ST18: variants seen among roughly 807,000 people sequenced by gnomAD.
ST18 encodes the protein ST18 C2H2C-type zinc finger transcription factor, also known as suppression of tumorigenicity 18 protein.
ST18 carries 50 observed loss-of-function variants against 110.0 expected under a neutral mutation model. The observed-to-expected ratio is 0.45, with a 90% CI of 0.36 to 0.58. The LOEUF (loss-of-function observed/expected upper bound fraction) is 0.58. Among genes scored for constraint, ST18 ranks in the 20% least tolerant of loss-of-function variants. The probability of loss-of-function intolerance (pLI) is 0.00; values close to 1 mark genes in which losing one functional copy is unlikely to be tolerated. For missense variants in ST18, 1,306 were observed against 1,280.1 expected, an observed-to-expected ratio of 1.02 and a Z score of -0.31; for synonymous variants, 461 against 452.4, an observed-to-expected ratio of 1.02 and a Z score of -0.24.
At chr8:52,282,544 A>C (rs528230927) in intron 2 of ST18, among the ~76,000 whole-genome samples, 30 of 152,324 alleles carry the variant, frequency 2.0e-4, no homozygotes, top group Non-Finnish European at 2.9e-5. Context: ...GAAGCTGGGC[A>C]GGTGCCAACC....
chr8:52,346,358 T>C (rs1025223934), intron 2 of ST18, among the ~76,000 whole-genome samples: 3 of 151,640 alleles, frequency 2.0e-5, no homozygotes, highest in Non-Finnish European at 2.9e-5. Context: ...GAATATGAGA[T>C]AAAAGATGAG....
intron 2 of ST18, chr8:52,403,882 G>A (rs1843605825): frequency 6.6e-6 from 1 of 152,074 alleles, no homozygotes; most frequent in Admixed American, 6.5e-5. Context: ...AAAGTAAAAA[G>A]AACAGAAACA....
chr8:52,368,052 C>T (rs1056646778), intron 2 of ST18, among the ~76,000 whole-genome samples: 9 of 152,036 alleles, frequency 5.9e-5, no homozygotes, highest in Non-Finnish European at 1.3e-4. Flanking sequence ...GCTTAATAGG[C>T]TTCGGATTTC....
rs148311403 is a variant in ST18, at chr8:52,198,961, C to A, written c.86+13118G>T. On this transcript the variant is annotated intron_variant, in intron 8 of 25. Coordinates refer to ENST00000689386, the MANE Select transcript of ST18 (RefSeq NM_001352837.2). The stretch of plus-strand genomic sequence containing the variant: ...AGCCCCACCACGGAGCTGTGGGCAC[C>A]TGGAAGTCAGATAGGCTTAGCCCCA... Among the ~76,000 whole-genome samples the A allele has an allele frequency of 2.6e-5, 4 of 152,258 alleles. No individual in the cohort carries two copies. In the East Asian group the frequency reaches 7.7e-4, roughly 29 times the overall value.
chr8:52,228,455 A>C (rs2090252597), intron 3 of ST18, among the ~76,000 whole-genome samples: 1 of 152,208 alleles, frequency 6.6e-6, no homozygotes, highest in African/African-American at 2.4e-5. Flanking sequence ...ATTTTAAGCA[A>C]CGTGTGTTCA....
At chr8:52,257,058 A>G (rs1239992376) in intron 2 of ST18, among the ~76,000 whole-genome samples, 4 of 152,130 alleles carry the variant, frequency 2.6e-5, no homozygotes, top group Non-Finnish European at 1.5e-5. Flanking sequence ...ATCATATAAT[A>G]TGTTGTCCTT....
At chr8:52,145,105 A>ATTAT (rs1251127250) in intron 16 of ST18, among the ~76,000 whole-genome samples, 1 of 149,946 alleles carries the variant, frequency 6.7e-6, no homozygotes, top group Non-Finnish European at 1.5e-5. Flanking sequence ...GAGCCATTTT[A>ATTAT]TTATTTATGG....
intron 2 of ST18, among the ~76,000 whole-genome samples, chr8:52,233,550 C>G (rs2091989297): frequency 6.6e-6 from 1 of 152,062 alleles, no homozygotes; most frequent in Admixed American, 6.5e-5. Flanking sequence ...ATCCCTCTCT[C>G]CTTGGATGGC....
intron 2 of ST18, among the ~76,000 whole-genome samples, chr8:52,400,229 G>A (rs4873639): frequency 0.62 from 94,048 of 151,834 alleles, 31,649 homozygotes; most frequent in Non-Finnish European, 0.74. Context: ...AGCCATCTCT[G>A]CTCTTTCAGT....
intron 2 of ST18, among the ~76,000 whole-genome samples, chr8:52,362,747 G>T (rs184467755): frequency 2.0e-5 from 3 of 152,232 alleles, no homozygotes; most frequent in Non-Finnish European, 4.4e-5. Flanking sequence ...TTAAGTATTT[G>T]GTAGATTTCT....
intron 10 of ST18, among the ~76,000 whole-genome samples, chr8:52,171,017 A>G (rs1460111419): frequency 6.6e-6 from 1 of 152,098 alleles, no homozygotes; most frequent in Non-Finnish European, 1.5e-5. Flanking sequence ...ACCAAGAATC[A>G]CCTGGAAACT....
intron 19 of ST18, among the ~76,000 whole-genome samples, chr8:52,133,702 G>A (rs2050737227): frequency 6.7e-6 from 1 of 148,242 alleles, no homozygotes; most frequent in Non-Finnish European, 1.5e-5. Context: ...AAAAAGAAAA[G>A]TTTTCCAAAT....
intron 2 of ST18, among the ~76,000 whole-genome samples, chr8:52,326,226 T>C (rs1285254570): frequency 4.6e-5 from 7 of 152,186 alleles, no homozygotes; most frequent in African/African-American, 1.7e-4. Flanking sequence ...CCATGGAGTC[T>C]CATTTCCACA....
chr8:52,206,388 T>C (rs1440390301), intron 8 of ST18: 2 of 152,136 alleles, frequency 1.3e-5, no homozygotes, highest in Non-Finnish European at 1.5e-5. Context: ...TTACAAAGTC[T>C]TTTTTTGTTT....
At chr8:52,388,164 G>C (rs1274271974) in intron 2 of ST18, among the ~76,000 whole-genome samples, 1 of 152,194 alleles carries the variant, frequency 6.6e-6, no homozygotes, top group African/African-American at 2.4e-5. Flanking sequence ...AGGAGCATAA[G>C]GCAAATTTTG....
At chr8:52,361,973 G>C (rs979141268) in intron 2 of ST18, among the ~76,000 whole-genome samples, 4 of 152,084 alleles carry the variant, frequency 2.6e-5, no homozygotes, top group African/African-American at 9.6e-5. Flanking sequence ...TGCTTCAGTT[G>C]TAGGTTAATT....
rs2058380965 is a variant in ST18, at chr8:52,149,957, A to T, written c.1827T>A (p.Asp609Glu). ...LHAKGAEIEV[D>E]ENGTLDLSMK... ...TGCTTAAGTCCAATGTGCCATTTTC[A>T]TCCACTTCTATTTCGGCTCCCTGGT... Residue 609 changes from aspartate (D) to glutamate (E), a missense_variant, in exon 16 of 26, where the codon GAT becomes GAA. Coordinates refer to ENST00000689386, the MANE Select transcript of ST18 (RefSeq NM_001352837.2). 6.2e-7 allele frequency: 1 copy of T among 1,613,988 alleles called. No individual in the cohort carries two copies. The highest frequency in any genetic ancestry group is 8.5e-7 in the Non-Finnish European group (1 of 1,179,952).
At chr8:52,335,507 G>T (rs573213804) in intron 2 of ST18, among the ~76,000 whole-genome samples, 6 of 152,140 alleles carry the variant, frequency 3.9e-5, no homozygotes, top group Non-Finnish European at 7.4e-5. Flanking sequence ...TTGGGGATAA[G>T]ACACAAATCA....
chr8:52,210,178 T>C, intron 8 of ST18: 1 of 455,982 alleles, frequency 2.2e-6, no homozygotes, highest in Non-Finnish European at 4.4e-6. Context: ...CTTGGAGCAC[T>C]GGGTCATTTT....
Sources: gnomAD v4.1 joint callset for allele counts (sites outside exome capture counted in the v4.1 genomes callset) on GRCh38, gnomAD v4.1.1 for gene constraint, MANE v1.5 for transcripts, NCBI Gene and HGNC (gene_info 2026-07-23, HGNC 2026-07-21) for gene names.